The following SDHAF3 variants were observed in gnomAD, a reference collection of about 807,000 sequenced individuals.
The protein encoded by SDHAF3 is succinate dehydrogenase assembly factor 3, mitochondrial.
SDHAF3 carries 18 observed loss-of-function variants against 11.5 expected under a neutral mutation model. The ratio of observed to expected loss-of-function variants is 1.56; its 90% CI spans 1.08 to 2.32. The LOEUF is 2.32. Among genes scored for constraint, SDHAF3 ranks in the 30% most tolerant of loss-of-function variants. The pLI, the probability that SDHAF3 is intolerant of heterozygous loss-of-function variation, is 0.00. For missense variants in SDHAF3, 200 were observed against 154.4 expected, an observed-to-expected ratio of 1.30 and a Z score of -1.57; for synonymous variants, 72 against 59.3, an observed-to-expected ratio of 1.21 and a Z score of -0.99.
chr7:97,118,646 TATAA>T (rs1791446588), intron 1 of SDHAF3, among the ~76,000 whole-genome samples: 1 of 151,422 alleles, frequency 6.6e-6, no homozygotes, highest in Non-Finnish European at 1.5e-5. Context: ...CATTTGCAAA[TATAA>T]ATAAATGAAT....
At chr7:97,120,044 T>C (rs891011816) in intron 1 of SDHAF3, among the ~76,000 whole-genome samples, 14 of 152,120 alleles carry the variant, frequency 9.2e-5, no homozygotes, top group African/African-American at 3.1e-4. Context: ...AATTAATACA[T>C]ATTTGGGGGT....
rs1365038536 is a variant in SDHAF3, at chr7:97,163,278, A to G, written c.175-17734A>G. 4.7e-5 allele frequency among the ~76,000 whole-genome samples: 7 copies of G among 147,718 alleles called. No homozygotes were observed. In the East Asian group the frequency reaches 1.4e-3, roughly 30 times the overall value. ...TGCCTCAGCCTCCCAAGTAGCTGGG[A>G]TTACAGGCACCCGCCACCATGCCCA... On this transcript the variant is annotated intron_variant, in intron 1 of 1. Transcript: ENST00000432641.
At chr7:97,134,680 C>T (rs1464501259) in intron 1 of SDHAF3, among the ~76,000 whole-genome samples, 1 of 152,192 alleles carries the variant, frequency 6.6e-6, no homozygotes, top group Non-Finnish European at 1.5e-5. Flanking sequence ...CTCCTGACCT[C>T]AGATGACCCG....
intron 1 of SDHAF3, among the ~76,000 whole-genome samples, chr7:97,178,347 T>C (rs2115755171): frequency 6.6e-6 from 1 of 152,330 alleles, no homozygotes; most frequent in Non-Finnish European, 1.5e-5. Flanking sequence ...TATACAAGTA[T>C]GTGTTTGAGT....
At chr7:97,139,976 T>C (rs77912207) in intron 1 of SDHAF3, among the ~76,000 whole-genome samples, 1,737 of 152,320 alleles carry the variant, frequency 0.011, 36 homozygotes, top group African/African-American at 0.04. Flanking sequence ...TTTGATCATT[T>C]TATTACCCTT....
chr7:97,133,582 C>T (rs79044504), intron 1 of SDHAF3, among the ~76,000 whole-genome samples: 3,776 of 152,226 alleles, frequency 0.025, 145 homozygotes, highest in African/African-American at 0.087. Context: ...AGGTTTACCA[C>T]CTTCTTTCTG....
At chr7:97,155,215 T>C (rs1174481472) in intron 1 of SDHAF3, among the ~76,000 whole-genome samples, 3 of 152,240 alleles carry the variant, frequency 2.0e-5, no homozygotes, top group Non-Finnish European at 4.4e-5. Flanking sequence ...TTAATATCTT[T>C]TCTGTGCTGC....
intron 1 of SDHAF3, among the ~76,000 whole-genome samples, chr7:97,143,394 C>T (rs1789085584): frequency 6.6e-6 from 1 of 151,784 alleles, no homozygotes; most frequent in Non-Finnish European, 1.5e-5. Flanking sequence ...GATTTTGGTC[C>T]ACCCATCACC....
intron 1 of SDHAF3, among the ~76,000 whole-genome samples, chr7:97,148,554 CAAAT>C (rs1194161730): frequency 6.6e-6 from 1 of 152,116 alleles, no homozygotes; most frequent in Non-Finnish European, 1.5e-5. Flanking sequence ...TAAAAATAAA[CAAAT>C]AGTCACCAGT....
chr7:97,144,768 AG>A (rs1302469189), intron 1 of SDHAF3, among the ~76,000 whole-genome samples: 3 of 152,094 alleles, frequency 2.0e-5, no homozygotes, highest in Admixed American at 2.0e-4. Flanking sequence ...CTTTTTGCTT[AG>A]TTTACTTTGG....
At chr7:97,179,259 G>C (rs11975277) in intron 1 of SDHAF3, among the ~76,000 whole-genome samples, 10,925 of 152,164 alleles carry the variant, frequency 0.072, 866 homozygotes, top group East Asian at 0.29. Flanking sequence ...TTTTGAAATT[G>C]GGAGTTGTGA....
intron 1 of SDHAF3, chr7:97,135,603 CTGTGTGTGTGTGTGTG>C (rs368986011): frequency 8.9e-6 from 1 of 112,392 alleles, no homozygotes; most frequent in Non-Finnish European, 1.8e-5. Context: ...GTGTGTGTGT[CTGTGTGTGTGTGTGTG>C]TGAGATGTAT....
chr7:97,168,859 C>G (rs1399841926), intron 1 of SDHAF3, among the ~76,000 whole-genome samples: 2 of 152,048 alleles, frequency 1.3e-5, no homozygotes, highest in African/African-American at 2.4e-5. Context: ...TTATATTCTC[C>G]TTTAGTGAGT....
chr7:97,164,329 A>G (rs956103977), intron 1 of SDHAF3, among the ~76,000 whole-genome samples: 14 of 148,282 alleles, frequency 9.4e-5, no homozygotes, highest in African/African-American at 2.7e-4. Context: ...AACAGATTGT[A>G]TGGTGGCAAG....
rs182937874 is a variant in SDHAF3, at chr7:97,145,883, G to A, written c.174+27986G>A. ...AAACCCCAACAGAGAGAGAATCTTC[G>A]TTTTCGGGATTTCCCAGTCTTGGAA... On this transcript the variant is annotated intron_variant, in intron 1 of 1. Coordinates refer to ENST00000432641, the MANE Select transcript of SDHAF3 (RefSeq NM_020186.3). Among the ~76,000 whole-genome samples the A allele has an allele frequency of 1.5e-4, 23 of 152,192 alleles. No individual in the cohort carries two copies. In the East Asian group the frequency reaches 3.1e-3, roughly 20 times the overall value.
intron 1 of SDHAF3, among the ~76,000 whole-genome samples, chr7:97,172,379 C>G (rs1789614284): frequency 6.6e-6 from 1 of 152,092 alleles, no homozygotes; most frequent in Non-Finnish European, 1.5e-5. Flanking sequence ...AGTAGCTTTT[C>G]TGCCTTCATA....
chr7:97,162,308 T>TG (rs1789426611), intron 1 of SDHAF3, among the ~76,000 whole-genome samples: 1 of 152,206 alleles, frequency 6.6e-6, no homozygotes, highest in Non-Finnish European at 1.5e-5. Context: ...TTTAAGTTCT[T>TG]TGTAGATTCT....
chr7:97,123,179 T>C (rs192401233), intron 1 of SDHAF3, among the ~76,000 whole-genome samples: 25 of 152,212 alleles, frequency 1.6e-4, no homozygotes, highest in African/African-American at 6.0e-4. Context: ...AGGTATGTGA[T>C]GTTCCCCTCC....
chr7:97,149,353 T>C (rs958200467), intron 1 of SDHAF3, among the ~76,000 whole-genome samples: 1 of 149,598 alleles, frequency 6.7e-6, no homozygotes, highest in African/African-American at 2.5e-5. Context: ...CAAGATACAC[T>C]TTTTTTTTTA....
Sources: gnomAD v4.1 joint callset for allele counts (sites outside exome capture counted in the v4.1 genomes callset) on GRCh38, gnomAD v4.1.1 for gene constraint, MANE v1.5 for transcripts, NCBI Gene and HGNC (gene_info 2026-07-23, HGNC 2026-07-21) for gene names.